The following COPS7A variants were observed in gnomAD, a reference collection of about 807,000 sequenced individuals.
The protein encoded by COPS7A is COP9 signalosome complex subunit 7a.
In COPS7A, 20 loss-of-function variants were observed where a neutral mutation model predicts 35.2. The ratio of observed to expected loss-of-function variants is 0.57; its 90% confidence interval spans 0.40 to 0.83. The LOEUF is 0.83. Ranked by LOEUF, COPS7A falls within the 40% of genes least tolerant of loss-of-function variation. The pLI, the probability that COPS7A is intolerant of heterozygous loss-of-function variation, is 0.00. For missense variants in COPS7A, 247 were observed against 347.5 expected, an observed-to-expected ratio of 0.71 and a Z score of 2.30; for synonymous variants, 139 against 141.4, an observed-to-expected ratio of 0.98 and a Z score of 0.12.
chr12:6,724,956 C>G (rs1324706691), intron 2 of COPS7A, 138 bp downstream of exon 2: 5 of 874,014 alleles, frequency 5.7e-6, no homozygotes, highest in Admixed American at 5.3e-5. Context: ...TGCCAACTTG[C>G]AGAAGTAACC....
intron 1 of COPS7A, 63 bp from the exon 2 acceptor site, chr12:6,724,551 C>T (rs1941200768): frequency 7.3e-7 from 1 of 1,364,338 alleles, no homozygotes; most frequent in Admixed American, 1.7e-5. Context: ...AGTCCCTCAG[C>T]CTTGTGCTTC....
intron 1 of COPS7A, 143 bp from the exon 2 acceptor site, chr12:6,724,471 T>C: frequency 6.9e-6 from 5 of 727,276 alleles, no homozygotes; most frequent in Non-Finnish European, 1.2e-5. Flanking sequence ...TTAGGATTCC[T>C]AGATCAGAAT....
At position 6,729,532 on chromosome 12, in the gene COPS7A, G is replaced by T; in HGVS notation, c.530+83G>T. The T allele has an allele frequency of 7.0e-7, 1 of 1,424,808 alleles. No homozygotes were observed. Among genetic ancestry groups the T allele is most frequent in the Admixed American group, 2.0e-5 (1 of 50,994 alleles). 88.3% of individuals were successfully genotyped at this position (1,424,808 alleles called of 1,614,324 possible). A position where few individuals can be genotyped will look rare whatever the true frequency, so the allele number is the denominator to read the frequency against. Reference sequence around the variant, plus strand: ...CAGGGTGAGAGAGGGCAGGAGCTGGGCTGGTCCGCAGAGGTGGAACCCAAG... The same window carrying T: ...CAGGGTGAGAGAGGGCAGGAGCTGGTCTGGTCCGCAGAGGTGGAACCCAAG... On this transcript the variant is annotated intron_variant, in intron 5 of 7. Coordinates refer to ENST00000543155, the MANE Select transcript of COPS7A (RefSeq NM_001164094.2). The surrounding 1 kb of genome is among the most constrained non-coding windows in gnomAD (Gnocchi z 4.2).
At chr12:6,724,534 A>C (rs1296668585) in intron 1 of COPS7A, 80 bp from the exon 2 acceptor site, 1 of 1,192,534 alleles carries the variant, frequency 8.4e-7, no homozygotes, top group Non-Finnish European at 1.2e-6. Context: ...TAGTGCCTTT[A>C]CAATCCAGTC....
rs1490889402 is a variant in COPS7A at position 6,729,118 on chromosome 12, G to A, written c.328-129G>A. On this transcript the variant is annotated intron_variant, in intron 4 of 7. Transcript: ENST00000543155. The surrounding 1 kb of genome is among the most constrained non-coding windows in gnomAD (Gnocchi z 4.2). Reference sequence around the variant, plus strand: ...ATTTTGCTTTAGAACCAGCCTCTTAGAGGAAGTGATTTAGGAATGGGAGTG... The same window carrying A: ...ATTTTGCTTTAGAACCAGCCTCTTAAAGGAAGTGATTTAGGAATGGGAGTG... The A allele has an allele frequency of 2.4e-6, 2 of 824,642 alleles. No individual in the cohort carries two copies. The highest frequency in any genetic ancestry group is 2.1e-5 in the Admixed American group (1 of 46,892). 51.1% of individuals were successfully genotyped at this position (824,642 alleles called of 1,614,324 possible).
chr12:6,727,861 A>G, intron 2 of COPS7A, 65 bp from the exon 3 acceptor site: 1 of 1,508,922 alleles, frequency 6.6e-7, no homozygotes, highest in African/African-American at 1.4e-5. Context: ...AGTTCCAAAC[A>G]GGGTAAGGCT....
intron 2 of COPS7A, among the ~76,000 whole-genome samples, chr12:6,727,013 A>G (rs892526015): frequency 6.6e-6 from 1 of 152,240 alleles, no homozygotes; most frequent in Non-Finnish European, 1.5e-5. Context: ...ATTCTTAGGT[A>G]GCAACCTTCT....
At chr12:6,730,964 C>T (rs756957079) in intron 7 of COPS7A, 36 bp from the exon 8 acceptor site, 1 of 1,576,122 alleles carries the variant, frequency 6.3e-7, no homozygotes, top group East Asian at 2.3e-5. Flanking sequence ...CCTGCATTCT[C>T]TCTCTCTCTC....
At chr12:6,728,398 C>T (rs550761495) in intron 4 of COPS7A, 87 bp downstream of exon 4, 19 of 1,139,056 alleles carry the variant, frequency 1.7e-5, no homozygotes, top group Admixed American at 4.3e-5. Flanking sequence ...TTGTCTAGAC[C>T]GTGGCTGCTT....
In COPS7A at chr12:6,729,522, CA is replaced by C. The variant is rs575273892; in HGVS notation, c.530+74del. On this transcript the variant is annotated intron_variant, in intron 5 of 7. Transcript: ENST00000543155. The surrounding 1 kb of genome is among the most constrained non-coding windows in gnomAD (Gnocchi z 4.2). ...AAAGGCGCTTCAGGGTGAGAGAGGG[CA>C]GGAGCTGGGCTGGTCCGCAGAGGTG... 9,270 of 1,489,722 alleles carry C rather than the reference CA, an allele frequency of 6.2e-3. 38 individuals are homozygous for C. Among genetic ancestry groups the C allele is most frequent in the Non-Finnish European group, 7.3e-3 (7,979 of 1,096,206 alleles). The allele number at this position is 1,489,722 out of a possible 1,614,324, so 92.3% of individuals were successfully genotyped here.
At chr12:6,725,977 G>A (rs1941242563) in intron 2 of COPS7A, 1 of 449,910 alleles carries the variant, frequency 2.2e-6, no homozygotes, top group Admixed American at 2.4e-5. Context: ...GATCACCTGA[G>A]GGCAGGAGGT....
chr12:6,724,407 G>C (rs955595092), intron 1 of COPS7A: 2 of 568,572 alleles, frequency 3.5e-6, no homozygotes, highest in East Asian at 7.0e-5. Flanking sequence ...GATGGGGCTT[G>C]GGGTTAGGCC....
rs1043087872 is a variant in COPS7A, at chr12:6,724,063, T to G, written c.-160T>G. 4.5e-6 allele frequency: 1 copy of G among 222,366 alleles called. No homozygotes were observed. The highest frequency in any genetic ancestry group is 4.5e-5 in the South Asian group (1 of 22,392). The allele number at this position is 222,366 out of a possible 1,614,324, so 13.8% of individuals were successfully genotyped here. A position where few individuals can be genotyped will look rare whatever the true frequency, so the allele number is the denominator to read the frequency against. ...TAGAGTTTAGTGGCCAGAGCGACTC[T>G]TCAGGGAGGTGGCAGGAAAGGCTTG... On this transcript the variant is annotated 5_prime_UTR_variant, in exon 1 of 8. Transcript: ENST00000543155.
chr12:6,730,354 T>C (rs776308697), intron 5 of COPS7A, 48 bp from the exon 6 acceptor site: 2 of 1,572,498 alleles, frequency 1.3e-6, no homozygotes, highest in African/African-American at 2.7e-5. Context: ...TGTGAGTCTG[T>C]GATCGCAGCC....
In COPS7A at chr12:6,729,926, T is replaced by G. The variant is rs543314447; in HGVS notation, c.531-476T>G. 1.3e-5 allele frequency among the ~76,000 whole-genome samples: 2 copies of G among 152,342 alleles called. No homozygotes were observed. Among genetic ancestry groups the G allele is most frequent in the South Asian group, 4.1e-4 (2 of 4,830 alleles). On this transcript the variant is annotated intron_variant, in intron 5 of 7. Coordinates refer to ENST00000543155, the MANE Select transcript of COPS7A (RefSeq NM_001164094.2). This position sits in a 1 kb window ranked among gnomAD's most constrained non-coding sequence, Gnocchi z 4.2. Reference sequence around the variant, plus strand: ...CTTGCTCATCACTCCAGGCGCTTCCTTATCCCTCTCTGACCACACCGAGTG... The same window carrying G: ...CTTGCTCATCACTCCAGGCGCTTCCGTATCCCTCTCTGACCACACCGAGTG...
chr12:6,727,901 ACCT>A, intron 2 of COPS7A, 22 bp from the exon 3 acceptor site: 1 of 1,612,524 alleles, frequency 6.2e-7, no homozygotes, highest in Non-Finnish European at 8.5e-7. Context: ...ACTTCCCGTC[ACCT>A]CCTTTTTCCT....
chr12:6,729,553 C>A lies in COPS7A; in HGVS notation c.530+104C>A. On this transcript the variant is annotated intron_variant, in intron 5 of 7. Coordinates refer to ENST00000543155, the MANE Select transcript of COPS7A (RefSeq NM_001164094.2). The surrounding 1 kb of genome is among the most constrained non-coding windows in gnomAD (Gnocchi z 4.2). ...CTGGGCTGGTCCGCAGAGGTGGAAC[C>A]CAAGAGGATGAAGGGAAATGAGTTC... 1 of 1,198,944 alleles carries A rather than the reference C, an allele frequency of 8.3e-7. No homozygotes were observed. 74.3% of individuals were successfully genotyped at this position (1,198,944 alleles called of 1,614,324 possible). A position where few individuals can be genotyped will look rare whatever the true frequency, so the allele number is the denominator to read the frequency against.
chr12:6,730,532 A>T, intron 6 of COPS7A, 25 bp downstream of exon 6: 2 of 1,612,722 alleles, frequency 1.2e-6, no homozygotes, highest in Non-Finnish European at 1.7e-6. Context: ...GAGCAGGCAG[A>T]CCCAAACTCC....
chr12:6,730,308 C>A, intron 5 of COPS7A, 94 bp from the exon 6 acceptor site: 2 of 1,167,320 alleles, frequency 1.7e-6, no homozygotes, highest in South Asian at 1.3e-5. Context: ...TGAGCTACTG[C>A]GCCCTGCCTC....
Sources: gnomAD v4.1 joint callset for allele counts (sites outside exome capture counted in the v4.1 genomes callset) on GRCh38, gnomAD v4.1.1 for gene constraint, Gnocchi (gnomAD v3.1) non-coding constraint, MANE v1.5 for transcripts, NCBI Gene and HGNC (gene_info 2026-07-23, HGNC 2026-07-21) for gene names.